Variants in SKAP1 observed in about 807,000 individuals in gnomAD.
The protein encoded by SKAP1 is src kinase associated phosphoprotein 1.
In SKAP1, 44 loss-of-function variants were observed where a neutral mutation model predicts 58.5. The observed-to-expected ratio is 0.75, with a 90% CI of 0.59 to 0.97. SKAP1 has a LOEUF of 0.97. Ranked by LOEUF, SKAP1 falls within the 50% of genes least tolerant of loss-of-function variation. SKAP1 has a pLI of 0.00. For synonymous variants in SKAP1, 127 were observed against 149.7 expected (o/e 0.85, Z 1.11); for missense variants, 390 against 435.2 (o/e 0.90, Z 0.92).
chr17:48,433,992 G>A (rs146526938), upstream of SKAP1, among the ~76,000 whole-genome samples: 85 of 152,328 alleles, frequency 5.6e-4, no homozygotes, highest in African/African-American at 2.0e-3. Flanking sequence ...GGCTGGCACC[G>A]CTCTGCCCTG....
intron 9 of SKAP1, among the ~76,000 whole-genome samples, chr17:48,171,651 T>C (rs1286245158): frequency 6.6e-6 from 1 of 152,116 alleles, no homozygotes; most frequent in Non-Finnish European, 1.5e-5. Context: ...CCATTTCTCC[T>C]TCCCTCTGGA....
rs140959920 is a variant in SKAP1 at position 48,198,055 on chromosome 17, C to T, written c.281-8555G>A. Among the ~76,000 whole-genome samples the T allele has an allele frequency of 4.9e-3, 744 of 152,320 alleles. 2 individuals carry two copies. The highest frequency in any genetic ancestry group is 9.1e-3 in the Non-Finnish European group (618 of 68,026). On this transcript the variant is annotated intron_variant, in intron 4 of 12. Transcript: ENST00000336915. ...TTTCTGGTAGGTGTCAGGAGTTCATCTTAAAGAATGACTAACTGTAATAAT... is the reference window on the plus strand; with the variant it reads ...TTTCTGGTAGGTGTCAGGAGTTCATTTTAAAGAATGACTAACTGTAATAAT...
intron 4 of SKAP1, among the ~76,000 whole-genome samples, chr17:48,225,874 C>A (rs759230982): frequency 1.3e-5 from 2 of 152,086 alleles, no homozygotes; most frequent in African/African-American, 4.8e-5. Flanking sequence ...CTAGGACGTG[C>A]GAGAAAAGAC....
chr17:48,304,709 A>C (rs2066111583), intron 4 of SKAP1, among the ~76,000 whole-genome samples: 1 of 152,210 alleles, frequency 6.6e-6, no homozygotes, highest in South Asian at 2.1e-4. Context: ...TTGTTTTCCA[A>C]AGACAAGCTA....
intron 4 of SKAP1, among the ~76,000 whole-genome samples, chr17:48,238,409 GT>G (rs1209989096): frequency 4.6e-5 from 7 of 151,266 alleles, no homozygotes; most frequent in Non-Finnish European, 8.9e-5. Flanking sequence ...TTTATTTTGA[GT>G]TTTTTTTTGA....
At chr17:48,248,257 C>T (rs71377352) in intron 4 of SKAP1, among the ~76,000 whole-genome samples, 2,986 of 152,106 alleles carry the variant, frequency 0.02, 105 homozygotes, top group African/African-American at 0.068. Flanking sequence ...TCTTTGTATA[C>T]GGTACTGTAT....
At chr17:48,252,728 G>GTGTGTGTA in intron 4 of SKAP1, among the ~76,000 whole-genome samples, 1 of 148,680 alleles carries the variant, frequency 6.7e-6, no homozygotes, top group African/African-American at 2.5e-5. Context: ...GTGTGTGTGT[G>GTGTGTGTA]TGTGTGTGTG....
intron 4 of SKAP1, among the ~76,000 whole-genome samples, chr17:48,337,557 T>C (rs1311139125): frequency 1.3e-5 from 2 of 152,204 alleles, no homozygotes; most frequent in Non-Finnish European, 2.9e-5. Flanking sequence ...ATTAGTAGTG[T>C]ATTAAAATCT....
chr17:48,405,057 T>C (rs535630136), intron 1 of SKAP1, among the ~76,000 whole-genome samples: 1 of 152,240 alleles, frequency 6.6e-6, no homozygotes, highest in South Asian at 2.1e-4. Context: ...CTAAAATACA[T>C]ACAATGAAAA....
At chr17:48,367,121 G>T (rs945002463) in intron 2 of SKAP1, among the ~76,000 whole-genome samples, 1 of 151,986 alleles carries the variant, frequency 6.6e-6, no homozygotes, top group African/African-American at 2.4e-5. Context: ...TGGCTTCCTG[G>T]TTTCTCTTGT....
At chr17:48,436,926 A>G in the SKAP1 span, among the ~76,000 whole-genome samples, 851 of 152,254 alleles carry the variant, frequency 5.6e-3, 2 homozygotes, top group Non-Finnish European at 8.8e-3. Flanking sequence ...CTTGCTTGGC[A>G]TTGCCCTATC....
chr17:48,253,631 C>T (rs930433756), intron 4 of SKAP1, among the ~76,000 whole-genome samples: 5 of 152,142 alleles, frequency 3.3e-5, no homozygotes, highest in Non-Finnish European at 7.4e-5. Context: ...TCATCTCTCC[C>T]CACTGAACCT....
At chr17:48,424,075 T>C (rs4261589) in intron 1 of SKAP1, among the ~76,000 whole-genome samples, 3 of 151,942 alleles carry the variant, frequency 2.0e-5, no homozygotes, top group African/African-American at 7.3e-5. Flanking sequence ...ATAAACAACA[T>C]AAATTTATTT....
At chr17:48,353,040 C>T (rs767492519) in intron 3 of SKAP1, among the ~76,000 whole-genome samples, 7 of 151,884 alleles carry the variant, frequency 4.6e-5, no homozygotes, top group Non-Finnish European at 7.4e-5. Flanking sequence ...TAGCAGTAGT[C>T]ACGTTAGGTA....
intron 4 of SKAP1, among the ~76,000 whole-genome samples, chr17:48,288,616 A>C (rs2065862891): frequency 6.6e-6 from 1 of 152,078 alleles, no homozygotes; most frequent in Non-Finnish European, 1.5e-5. Flanking sequence ...AACCCAGGAG[A>C]TGGAGGTTGC....
chr17:48,189,406 G>A lies in SKAP1; in HGVS notation c.358+17C>T. The A allele has an allele frequency of 3.1e-6, 5 of 1,593,010 alleles. No individual in the cohort carries two copies. The highest frequency in any genetic ancestry group is 1.7e-4 in the Middle Eastern group (1 of 6,002). Reference sequence around the variant, plus strand: ...CCCTTCCTGGAATGTTCTGAAATCTGTGGGTCTGACCAATACCTTTGCTTT... The same window carrying A: ...CCCTTCCTGGAATGTTCTGAAATCTATGGGTCTGACCAATACCTTTGCTTT... On this transcript the variant is annotated intron_variant, in intron 5 of 12. Transcript: ENST00000336915.
intron 4 of SKAP1, among the ~76,000 whole-genome samples, chr17:48,268,581 T>A (rs186865947): frequency 6.6e-6 from 1 of 152,122 alleles, no homozygotes. Context: ...AACCTCCGCC[T>A]CCTGGGTTCA....
At chr17:48,319,686 A>G (rs147604863) in intron 4 of SKAP1, among the ~76,000 whole-genome samples, 235 of 152,270 alleles carry the variant, frequency 1.5e-3, no homozygotes, top group African/African-American at 5.6e-3. Context: ...TTCAAAAAAT[A>G]CAAAAATTAG....
chr17:48,162,604 ACT>A (rs762321345), intron 10 of SKAP1, 35 bp from the exon 11 acceptor site: 1 of 1,546,826 alleles, frequency 6.5e-7, no homozygotes, highest in Non-Finnish European at 8.9e-7. Context: ...AGTTAAAAGG[ACT>A]CTATTTTTTC....
Sources: gnomAD v4.1 joint callset for allele counts (sites outside exome capture counted in the v4.1 genomes callset) on GRCh38, gnomAD v4.1.1 for gene constraint, MANE v1.5 for transcripts, NCBI Gene and HGNC (gene_info 2026-07-23, HGNC 2026-07-21) for gene names.